Variants in SCEL observed in about 807,000 individuals in gnomAD.
The protein encoded by SCEL is sciellin.
SCEL carries 113 observed loss-of-function variants against 117.6 expected under a neutral mutation model. The observed-to-expected ratio is 0.96, with a 90% CI of 0.83 to 1.12. The LOEUF is 1.12. Among genes scored for constraint, SCEL ranks in the 50% most tolerant of loss-of-function variants. The pLI, the probability that SCEL is intolerant of heterozygous loss-of-function variation, is 0.00. For synonymous variants in SCEL, 270 were observed against 256.2 expected (o/e 1.05, Z -0.51); for missense variants, 785 against 810.8 (o/e 0.97, Z 0.39).
intron 10 of SCEL, among the ~76,000 whole-genome samples, chr13:77,590,420 T>C (rs2086803089): frequency 6.6e-6 from 1 of 152,138 alleles, no homozygotes; most frequent in Non-Finnish European, 1.5e-5. Context: ...CTTAAAAATA[T>C]CTTCTCAAGC....
chr13:77,556,643 C>G lies in SCEL; in HGVS notation c.91C>G (p.His31Asp). The G allele has an allele frequency of 1.2e-6, 2 of 1,614,076 alleles. No homozygotes were observed. The highest frequency in any genetic ancestry group is 4.5e-5 in the East Asian group (2 of 44,886). Residue 31 changes from histidine to aspartate, a missense_variant, in exon 3 of 33, where the codon CAC (histidine) becomes GAC (aspartate). By Grantham distance (81) the His-to-Asp change is moderately conservative (BLOSUM62 -1). Coordinates refer to ENST00000349847, the MANE Select transcript of SCEL (RefSeq NM_144777.3). ...QGTTRKQQDF[H>D]EVNKRRTFLQ... ...AACCACACGGAAGCAGCAGGATTTT[C>G]ACGAGGTGAACAAAAGAAGAACTTT...
chr13:77,586,017 C>G (rs1337118787), intron 9 of SCEL, among the ~76,000 whole-genome samples: 1 of 152,126 alleles, frequency 6.6e-6, no homozygotes, highest in East Asian at 1.9e-4. Context: ...ACTCCCTCCT[C>G]CCTGAAACTC....
chr13:77,603,267 C>A (rs2154401795), intron 18 of SCEL, 132 bp downstream of exon 18: 2 of 470,134 alleles, frequency 4.3e-6, no homozygotes, highest in Middle Eastern at 5.7e-4. Context: ...GCCACACGAC[C>A]ATCCCTCCTT....
chr13:77,616,004 C>CTGTG lies in SCEL; in HGVS notation c.1452-1556_1452-1553dup, dbSNP rs1169054133. Among the ~76,000 whole-genome samples the CTGTG allele has an allele frequency of 1.1e-3, 123 of 114,228 alleles. 1 individual carries two copies. Among genetic ancestry groups the CTGTG allele is most frequent in the African/African-American group, 2.5e-3 (63 of 24,962 alleles). The allele number at this position is 114,228 out of a possible 152,430, so 74.9% of individuals were successfully genotyped here. A position where few individuals can be genotyped will look rare whatever the true frequency, so the allele number is the denominator to read the frequency against. On this transcript the variant is annotated intron_variant, in intron 24 of 32. Transcript: ENST00000349847. ...ATTATTTCATAAAATTTATGTCTCT[C>CTGTG]TGTGTGTGTGTGTGTGTGTGTGTGT... is the stretch of plus-strand genomic sequence containing the variant.
intron 28 of SCEL, among the ~76,000 whole-genome samples, chr13:77,630,921 TTCAAGGCA>T (rs1594178941): frequency 6.6e-6 from 1 of 152,244 alleles, no homozygotes; most frequent in African/African-American, 2.4e-5. Context: ...ACAAGGATTA[TTCAAGGCA>T]TTTGAGAGGA....
chr13:77,600,524 A>G (rs1384116506), intron 15 of SCEL, among the ~76,000 whole-genome samples: 3 of 152,144 alleles, frequency 2.0e-5, no homozygotes, highest in Non-Finnish European at 4.4e-5. Flanking sequence ...ATTTGTAAAT[A>G]CCTTTAAATG....
In SCEL at chr13:77,640,034, C is replaced by T. The variant is rs1187969560; in HGVS notation, c.1839-642C>T. 2.0e-5 allele frequency among the ~76,000 whole-genome samples: 3 copies of T among 152,092 alleles called. No homozygotes were observed. In the East Asian group the frequency reaches 5.8e-4, roughly 29 times the overall value. On this transcript the variant is annotated intron_variant, in intron 30 of 32. Transcript: ENST00000349847. ...TTAGTATTTGTTATTTAATAAATAA[C>T]AAAACTCTCTTTTCTTCCCCATCAA...
At chr13:77,596,750 G>T (rs371161053) in intron 12 of SCEL, among the ~76,000 whole-genome samples, 6 of 150,758 alleles carry the variant, frequency 4.0e-5, no homozygotes, top group African/African-American at 9.7e-5. Context: ...GAATAGAAAA[G>T]TTGGAGAAAG....
At chr13:77,583,938 G>A (rs936106381) in intron 9 of SCEL, among the ~76,000 whole-genome samples, 1 of 152,118 alleles carries the variant, frequency 6.6e-6, no homozygotes, top group African/African-American at 2.4e-5. Flanking sequence ...TTTTAGCTTT[G>A]GCCTTTGAGC....
intron 1 of SCEL, among the ~76,000 whole-genome samples, chr13:77,536,441 G>T (rs2083426249): frequency 6.6e-6 from 1 of 151,978 alleles, no homozygotes; most frequent in Admixed American, 6.6e-5. Context: ...GCAGAATAAG[G>T]GTACATGGTT....
At chr13:77,622,247 T>C (rs2089463055) in intron 27 of SCEL, among the ~76,000 whole-genome samples, 1 of 152,196 alleles carries the variant, frequency 6.6e-6, no homozygotes, top group Admixed American at 6.5e-5. Context: ...AAATGAACTG[T>C]ATGGTGAGAA....
chr13:77,632,062 A>C (rs1169565485), intron 28 of SCEL, among the ~76,000 whole-genome samples: 1 of 152,196 alleles, frequency 6.6e-6, no homozygotes, highest in Non-Finnish European at 1.5e-5. Flanking sequence ...TCTTATGAGG[A>C]TTCCAGTTCT....
intron 9 of SCEL, among the ~76,000 whole-genome samples, chr13:77,582,591 A>T (rs1473467213): frequency 6.6e-6 from 1 of 152,110 alleles, no homozygotes; most frequent in African/African-American, 2.4e-5. Context: ...CTGAGTTTTG[A>T]GAGTTTCAAA....
At chr13:77,616,497 G>C (rs2089053545) in intron 24 of SCEL, among the ~76,000 whole-genome samples, 1 of 151,948 alleles carries the variant, frequency 6.6e-6, no homozygotes, top group Non-Finnish European at 1.5e-5. Context: ...AGTATTTATA[G>C]ATATCAATTT....
chr13:77,587,076 C>T (rs974836891), intron 9 of SCEL, among the ~76,000 whole-genome samples: 6 of 151,820 alleles, frequency 4.0e-5, no homozygotes, highest in Non-Finnish European at 5.9e-5. Context: ...ACATTTTCTC[C>T]GCCTCTTTCT....
chr13:77,572,993 A>G (rs2085729536), intron 9 of SCEL, among the ~76,000 whole-genome samples: 1 of 152,146 alleles, frequency 6.6e-6, no homozygotes, highest in Non-Finnish European at 1.5e-5. Context: ...CTGGATGAGG[A>G]TATGTGTGGC....
chr13:77,599,463 A>G, intron 14 of SCEL, 75 bp downstream of exon 14: 1 of 1,255,728 alleles, frequency 8.0e-7, no homozygotes, highest in Non-Finnish European at 1.2e-6. Flanking sequence ...CATTAGCTGC[A>G]AGGGGGTTGT....
chr13:77,578,417 G>A (rs2086076980), intron 9 of SCEL, among the ~76,000 whole-genome samples: 1 of 152,026 alleles, frequency 6.6e-6, no homozygotes, highest in South Asian at 2.1e-4. Flanking sequence ...CATCATGATG[G>A]GAGTCCCAGA....
chr13:77,636,955 A>G (rs2090307630), intron 29 of SCEL, among the ~76,000 whole-genome samples, 165 bp from the exon 30 acceptor site: 1 of 152,132 alleles, frequency 6.6e-6, no homozygotes, highest in African/African-American at 2.4e-5. Context: ...TGACTTGTGT[A>G]TCAATATTTC....
Sources: gnomAD v4.1 joint callset for allele counts (sites outside exome capture counted in the v4.1 genomes callset) on GRCh38, gnomAD v4.1.1 for gene constraint, MANE v1.5 for transcripts, NCBI Gene and HGNC (gene_info 2026-07-23, HGNC 2026-07-21) for gene names.